FBXL17: variants seen among roughly 807,000 people sequenced by gnomAD.
FBXL17 encodes the protein F-box and leucine rich repeat protein 17.
Under a neutral mutation model 66.2 loss-of-function variants are expected in FBXL17, and 22 were observed. The ratio of observed to expected loss-of-function variants is 0.33; its 90% CI spans 0.24 to 0.47. FBXL17 has a LOEUF of 0.47. Ranked by LOEUF, FBXL17 falls within the 20% of genes least tolerant of loss-of-function variation. FBXL17 has a pLI of 1.00. For missense variants in FBXL17, 878 were observed against 948.2 expected (o/e 0.93, Z 0.97); for synonymous variants, 474 against 400.5 (o/e 1.18, Z -2.19).
chr5:108,348,988 T>C (rs893436524), intron 3 of FBXL17, among the ~76,000 whole-genome samples: 7 of 152,076 alleles, frequency 4.6e-5, no homozygotes, highest in Admixed American at 1.3e-4. Flanking sequence ...AATTTTGTTG[T>C]AGAGCTAGGG....
At chr5:107,995,157 A>G (rs1753420731) in intron 7 of FBXL17, among the ~76,000 whole-genome samples, 1 of 152,230 alleles carries the variant, frequency 6.6e-6, no homozygotes, top group Non-Finnish European at 1.5e-5. Context: ...AAGCAGAAAA[A>G]GAACTAAAAA....
intron 6 of FBXL17, among the ~76,000 whole-genome samples, chr5:108,038,166 T>C (rs1281536160): frequency 6.6e-6 from 1 of 152,172 alleles, no homozygotes; most frequent in Non-Finnish European, 1.5e-5. Flanking sequence ...ACACTTGACC[T>C]AACTTGGATC....
intron 6 of FBXL17, among the ~76,000 whole-genome samples, chr5:108,094,176 GC>G (rs1749286774): frequency 6.6e-6 from 1 of 152,034 alleles, no homozygotes; most frequent in Non-Finnish European, 1.5e-5. Context: ...AGTAGTGTGT[GC>G]TCTTTTCAGT....
rs187090364 is a variant in FBXL17 at position 108,160,134 on chromosome 5, A to G, written c.1745+25983T>C. 4.7e-4 allele frequency among the ~76,000 whole-genome samples: 72 copies of G among 152,336 alleles called. 1 individual carries two copies. In the South Asian group the frequency reaches 0.013, roughly 27 times the overall value. ...TTTGTACTCACGTTGGCCAGGTTTT[A>G]CAAAACCCAGATCTTAAAATTTATG... On this transcript the variant is annotated intron_variant, in intron 6 of 8. Transcript: ENST00000542267.
intron 1 of FBXL17, among the ~76,000 whole-genome samples, chr5:108,369,646 T>C (rs1269342551): frequency 6.6e-6 from 1 of 151,490 alleles, no homozygotes; most frequent in Non-Finnish European, 1.5e-5. Context: ...ATAAAATCTA[T>C]TCTAAAAAAT....
chr5:108,098,742 C>T (rs1226898860), intron 6 of FBXL17, among the ~76,000 whole-genome samples: 2 of 79,982 alleles, frequency 2.5e-5, no homozygotes, highest in African/African-American at 1.2e-4. Flanking sequence ...GACACTCTGT[C>T]TCATAAAAAA....
chr5:108,133,313 A>G (rs1233725740), intron 6 of FBXL17, among the ~76,000 whole-genome samples: 1 of 152,042 alleles, frequency 6.6e-6, no homozygotes, highest in Non-Finnish European at 1.5e-5. Context: ...TCCAACTAGT[A>G]CTATGCATGG....
chr5:108,140,823 T>G (rs545424122), intron 6 of FBXL17, among the ~76,000 whole-genome samples: 1 of 152,170 alleles, frequency 6.6e-6, no homozygotes, highest in South Asian at 2.1e-4. Context: ...ACAAGAAACT[T>G]CAGCCATTCT....
At chr5:108,150,199 T>C (rs1751715641) in intron 6 of FBXL17, among the ~76,000 whole-genome samples, 1 of 152,182 alleles carries the variant, frequency 6.6e-6, no homozygotes, top group South Asian at 2.1e-4. Flanking sequence ...CACATTATCA[T>C]TATCATACCC....
rs141017197 is a variant in FBXL17, at chr5:107,995,923, T to C, written c.1822+25002A>G. 4.6e-3 allele frequency among the ~76,000 whole-genome samples: 704 copies of C among 152,274 alleles called. 6 individuals are homozygous for C. Among genetic ancestry groups the C allele is most frequent in the African/African-American group, 0.014 (582 of 41,554 alleles). Reference sequence around the variant, plus strand: ...AAGCAGCCCAAAAAATCAGAATCTGTAGTTGATGAAACACAGTGCAGTAGC... The same window carrying C: ...AAGCAGCCCAAAAAATCAGAATCTGCAGTTGATGAAACACAGTGCAGTAGC... On this transcript the variant is annotated intron_variant, in intron 7 of 8. Coordinates refer to ENST00000542267, the MANE Select transcript of FBXL17 (RefSeq NM_001163315.3).
chr5:107,871,061 A>AC (rs758637724), intron 8 of FBXL17, among the ~76,000 whole-genome samples: 17,188 of 115,892 alleles, frequency 0.15, 2,001 homozygotes, highest in South Asian at 0.29. Flanking sequence ...GGGCGGCAAA[A>AC]AAAAAAAAAA....
At chr5:108,248,029 C>G (rs74422075) in intron 4 of FBXL17, among the ~76,000 whole-genome samples, 2,419 of 152,218 alleles carry the variant, frequency 0.016, 61 homozygotes, top group African/African-American at 0.054. Flanking sequence ...TAATGTAGCA[C>G]CTAGTCTGCA....
chr5:108,009,198 T>TATATATATATATATATATATATATATAC, intron 7 of FBXL17, among the ~76,000 whole-genome samples: 1 of 6,920 alleles, frequency 1.4e-4, no homozygotes, highest in African/African-American at 6.4e-4. Context: ...GAAAAGCATA[T>TATATATATATATATATATATATATATAC]ATATATATAT....
At chr5:108,214,276 G>A (rs967584442) in intron 5 of FBXL17, among the ~76,000 whole-genome samples, 6 of 152,084 alleles carry the variant, frequency 3.9e-5, no homozygotes, top group African/African-American at 9.7e-5. Context: ...TATATCCCAC[G>A]AGGATAAGGG....
At chr5:108,351,374 C>T (rs1321318368) in intron 3 of FBXL17, among the ~76,000 whole-genome samples, 3 of 152,130 alleles carry the variant, frequency 2.0e-5, no homozygotes, top group African/African-American at 7.2e-5. Context: ...TACAAACAAA[C>T]ATGCCAGGGG....
intron 4 of FBXL17, among the ~76,000 whole-genome samples, chr5:108,332,576 G>C (rs776485601): frequency 6.6e-6 from 1 of 152,080 alleles, no homozygotes; most frequent in Non-Finnish European, 1.5e-5. Flanking sequence ...CTGTCCGTCA[G>C]AGGTAGTTCA....
intron 6 of FBXL17, among the ~76,000 whole-genome samples, chr5:108,064,145 C>T (rs2112849722): frequency 6.6e-6 from 1 of 152,194 alleles, no homozygotes; most frequent in East Asian, 1.9e-4. Flanking sequence ...GACCCCTTAA[C>T]ATTATGGCCC....
intron 4 of FBXL17, among the ~76,000 whole-genome samples, chr5:108,271,639 A>G (rs938846292): frequency 6.6e-5 from 10 of 152,238 alleles, no homozygotes; most frequent in African/African-American, 2.4e-4. Context: ...GCCAACAGAT[A>G]ATAAACTATA....
At chr5:108,044,779 G>T (rs1320979503) in intron 6 of FBXL17, among the ~76,000 whole-genome samples, 1 of 152,048 alleles carries the variant, frequency 6.6e-6, no homozygotes, top group Non-Finnish European at 1.5e-5. Flanking sequence ...ATTTATTTTG[G>T]GGGATTTTTT....
Sources: allele counts gnomAD v4.1 joint callset (sites outside exome capture counted in the v4.1 genomes callset), GRCh38; gene constraint gnomAD v4.1.1; transcripts MANE v1.5; gene names NCBI Gene and HGNC (gene_info 2026-07-23, HGNC 2026-07-21).